Variants in TAPBPL observed in about 807,000 individuals in gnomAD.
TAPBPL encodes tapasin-related protein.
Under a neutral mutation model 44.8 loss-of-function variants are expected in TAPBPL, and 32 were observed. That is an observed-to-expected ratio of 0.71 (90% CI 0.54 to 0.96). The LOEUF is 0.96. TAPBPL is among the 40% of genes least tolerant of loss of function. TAPBPL has a pLI of 0.00. For synonymous variants in TAPBPL, 230 were observed against 240.7 expected (o/e 0.96, Z 0.41); for missense variants, 520 against 586.6 (o/e 0.89, Z 1.17).
intron 6 of TAPBPL, among the ~76,000 whole-genome samples, chr12:6,461,649 C>T (rs528279061): frequency 3.9e-5 from 6 of 152,328 alleles, no homozygotes; most frequent in Non-Finnish European, 7.3e-5. Flanking sequence ...CTCAGAGGCA[C>T]CCCCGTGGCT....
In TAPBPL at chr12:6,462,128, G is replaced by C; in HGVS notation, c.1386G>C (p.Ala462=). ...CCCATCTCCATGAAGACCGCACAGC[G>C]CGTGTAAGCCAGCCCAGCTGACCTA... is the stretch of plus-strand genomic sequence containing the variant. ...QSSHLHEDRT[A]RVSQPS Residue 462 remains alanine, a synonymous_variant, in exon 7 of 7, where the codon GCG becomes GCC. Coordinates refer to ENST00000266556, the MANE Select transcript of TAPBPL (RefSeq NM_018009.5). The C allele has an allele frequency of 1.2e-6, 2 of 1,612,458 alleles. No individual in the cohort carries two copies. Among genetic ancestry groups the C allele is most frequent in the Non-Finnish European group, 1.7e-6 (2 of 1,178,752 alleles).
Position 6,453,799 on chromosome 12 carries a change from C to T in TAPBPL, c.565+83C>T. On this transcript the variant is annotated intron_variant, in intron 3 of 6. Transcript: ENST00000266556. The surrounding 1 kb of genome is among the most constrained non-coding windows in gnomAD (Gnocchi z 4.8). ...TTGGGATACCGAGGTCGGTGGATCA[C>T]CTGAGGTCAGGAGTTTGAGATCAGC... 6.9e-7 allele frequency: 1 copy of T among 1,445,654 alleles called. No individual in the cohort carries two copies. Among genetic ancestry groups the T allele is most frequent in the Non-Finnish European group, 9.1e-7 (1 of 1,099,482 alleles). The allele number at this position is 1,445,654 out of a possible 1,614,324, so 89.6% of individuals were successfully genotyped here.
downstream of TAPBPL, chr12:6,466,140 GAAA>G: frequency 1.2e-6 from 2 of 1,610,082 alleles, no homozygotes; most frequent in Non-Finnish European, 1.7e-6. Context: ...ATTCTCCTAC[GAAA>G]AAAGGAGAAA....
chr12:6,464,433 G>A (rs1592145807), downstream of TAPBPL: 2 of 1,564,894 alleles, frequency 1.3e-6, no homozygotes, highest in South Asian at 1.2e-5. Context: ...ACATGAATGT[G>A]GATGGCAATG....
At chr12:6,464,833 G>A (rs761497818), downstream of TAPBPL, 1 of 1,611,744 alleles carries the variant, frequency 6.2e-7, no homozygotes, top group East Asian at 2.2e-5. Flanking sequence ...CAGGCAGGGA[G>A]AAGACTCCAG....
At chr12:6,452,899 G>A (rs2286721) in intron 1 of TAPBPL, among the ~76,000 whole-genome samples, 168 bp from the exon 2 acceptor site, 23,373 of 152,232 alleles carry the variant, frequency 0.15, 2,110 homozygotes, top group East Asian at 0.31. Flanking sequence ...GTGCTCTCCA[G>A]AAAGCTGGTT....
chr12:6,462,814 C>T (rs780974310), downstream of TAPBPL: 1 of 1,602,908 alleles, frequency 6.2e-7, no homozygotes, highest in Non-Finnish European at 8.5e-7. Flanking sequence ...AGGGTACTGA[C>T]TGCTTTCTTC....
chr12:6,462,706 C>T (rs555231004), downstream of TAPBPL: 3 of 1,020,586 alleles, frequency 2.9e-6, no homozygotes, highest in African/African-American at 4.9e-5. Flanking sequence ...GCTTGGGACA[C>T]ATCGAGGACA....
chr12:6,458,564 T>C, intron 4 of TAPBPL, 81 bp from the exon 5 acceptor site: 1 of 1,520,272 alleles, frequency 6.6e-7, no homozygotes, highest in Non-Finnish European at 8.9e-7. Context: ...ACTCTCATCT[T>C]GGCAGGAAGA....
chr12:6,464,161 C>G (rs1226637660), downstream of TAPBPL: 3 of 1,424,988 alleles, frequency 2.1e-6, no homozygotes, highest in South Asian at 3.6e-5. Flanking sequence ...AGCCACTCCC[C>G]TCCCTGCCCC....
chr12:6,468,040 T>C (rs1028403296), downstream of TAPBPL, among the ~76,000 whole-genome samples: 2 of 152,214 alleles, frequency 1.3e-5, no homozygotes, highest in African/African-American at 4.8e-5. Context: ...CCTCTGCTAG[T>C]GTAGTACAGA....
At chr12:6,459,648 G>A (rs1418540951) in intron 5 of TAPBPL, among the ~76,000 whole-genome samples, 1 of 152,094 alleles carries the variant, frequency 6.6e-6, no homozygotes, top group Non-Finnish European at 1.5e-5. Context: ...CCCCTTACGG[G>A]CTTAATTAAA....
downstream of TAPBPL, chr12:6,464,653 C>G (rs1313363295): frequency 2.1e-6 from 3 of 1,458,984 alleles, no homozygotes; most frequent in South Asian, 4.4e-5. Flanking sequence ...CATAGCCCCA[C>G]TTCCTCAGAA....
intron 3 of TAPBPL, among the ~76,000 whole-genome samples, chr12:6,454,553 C>A (rs1474398669): frequency 6.6e-6 from 1 of 152,168 alleles, no homozygotes. Flanking sequence ...ACACAGACAA[C>A]CTGTGTTATT....
downstream of TAPBPL, chr12:6,464,311 A>G (rs1343803681): frequency 1.3e-6 from 2 of 1,546,710 alleles, no homozygotes; most frequent in African/African-American, 2.7e-5. Flanking sequence ...GTTGAGGGAC[A>G]GAGTGCAAAT....
At chr12:6,457,201 C>G (rs1465386200) in intron 3 of TAPBPL, among the ~76,000 whole-genome samples, 1 of 152,166 alleles carries the variant, frequency 6.6e-6, no homozygotes, top group East Asian at 1.9e-4. Flanking sequence ...GTAAGTGATC[C>G]CAAAATGGTG....
At chr12:6,455,754 C>T (rs550311188) in intron 3 of TAPBPL, among the ~76,000 whole-genome samples, 5 of 142,034 alleles carry the variant, frequency 3.5e-5, no homozygotes, top group African/African-American at 1.0e-4. Flanking sequence ...ACATAGAGAG[C>T]GAGACCCTCT....
At chr12:6,451,666 A>C, upstream of TAPBPL, 1 of 422,224 alleles carries the variant, frequency 2.4e-6, no homozygotes, top group Non-Finnish European at 4.3e-6. Context: ...CTGCTGCGAA[A>C]GACCCACATG....
At position 6,459,464 on chromosome 12, in the gene TAPBPL, T is replaced by C. The variant is rs550075810; in HGVS notation, c.1207+517T>C. 6.6e-5 allele frequency among the ~76,000 whole-genome samples: 10 copies of C among 152,372 alleles called. No homozygotes were observed. The South Asian group carries it at 1.9e-3, about 28-fold the overall frequency. ...GAAGCTTCGGAGGTAATTCTATTTATTGAGCATTTACATGAATCAAGCAGT... is the reference window on the plus strand; with the variant it reads ...GAAGCTTCGGAGGTAATTCTATTTACTGAGCATTTACATGAATCAAGCAGT... On this transcript the variant is annotated intron_variant, in intron 5 of 6. Transcript: ENST00000266556.
Sources: allele counts gnomAD v4.1 joint callset (sites outside exome capture counted in the v4.1 genomes callset), GRCh38; gene constraint gnomAD v4.1.1; non-coding constraint Gnocchi (gnomAD v3.1); transcripts MANE v1.5; gene names NCBI Gene and HGNC (gene_info 2026-07-23, HGNC 2026-07-21).